Variants in FSD2 observed in about 807,000 individuals in gnomAD.
The protein encoded by FSD2 is fibronectin type III and SPRY domain-containing protein 2.
Under a neutral mutation model 80.4 loss-of-function variants are expected in FSD2, and 71 were observed. The ratio of observed to expected loss-of-function variants is 0.88; its 90% CI spans 0.73 to 1.08. FSD2 has a LOEUF of 1.08. FSD2 is among the 50% of genes least tolerant of loss of function. The probability of loss-of-function intolerance (pLI) is 0.00; values close to 1 mark genes in which losing one functional copy is unlikely to be tolerated. For synonymous variants in FSD2, 361 were observed against 329.5 expected (o/e 1.10, Z -1.03); for missense variants, 923 against 913.8 (o/e 1.01, Z -0.13).
rs1385556414 is a variant in FSD2, at chr15:82,757,850, G to A, written c.*1498C>T. On this transcript the variant is annotated 3_prime_UTR_variant, in exon 13 of 13. Transcript: ENST00000334574. ...GAGTAGGCAGAGTTTAGTAGGAGAT[G>A]AGAGTCTTTCAGTTTGTCAGACTTT... 6.6e-6 allele frequency: 1 copy of A among 152,212 alleles called. No homozygotes were observed. The highest frequency in any genetic ancestry group is 2.4e-5 in the African/African-American group (1 of 41,428). 9.4% of individuals were successfully genotyped at this position (152,212 alleles called of 1,614,324 possible). A position where few individuals can be genotyped will look rare whatever the true frequency, so the allele number is the denominator to read the frequency against.
chr15:82,782,647 T>A, intron 4 of FSD2, 148 bp downstream of exon 4: 2 of 682,936 alleles, frequency 2.9e-6, no homozygotes, highest in Non-Finnish European at 5.1e-6. Context: ...TCCAGTGGAA[T>A]CAAATGGATG....
At chr15:82,783,768 G>A (rs1164846619) in intron 3 of FSD2, among the ~76,000 whole-genome samples, 2 of 152,002 alleles carry the variant, frequency 1.3e-5, no homozygotes, top group African/African-American at 4.8e-5. Flanking sequence ...CCTGGTGCTT[G>A]GATCATACAA....
At chr15:82,779,304 A>G (rs921720659) in intron 5 of FSD2, among the ~76,000 whole-genome samples, 4 of 152,260 alleles carry the variant, frequency 2.6e-5, no homozygotes, top group African/African-American at 9.6e-5. Context: ...GTTGCTGATC[A>G]TGGGACTCGG....
At chr15:82,770,553 C>A (rs1456190551) in intron 7 of FSD2, among the ~76,000 whole-genome samples, 1 of 152,148 alleles carries the variant, frequency 6.6e-6, no homozygotes. Context: ...TGCCTGTAGT[C>A]CCAGCTACTC....
intron 9 of FSD2, among the ~76,000 whole-genome samples, chr15:82,768,542 A>G (rs570937706): frequency 5.9e-5 from 9 of 152,304 alleles, no homozygotes; most frequent in Admixed American, 6.5e-5. Flanking sequence ...TTGTCCATCT[A>G]GTTCCCAGTG....
intron 5 of FSD2, 39 bp from the exon 6 acceptor site, chr15:82,778,926 G>T (rs776994865): frequency 6.2e-7 from 1 of 1,607,554 alleles, no homozygotes; most frequent in Non-Finnish European, 8.5e-7. Flanking sequence ...GAATGGAGGG[G>T]CATTCTCCTT....
chr15:82,766,738 CAAA>C (rs560358115), intron 9 of FSD2, among the ~76,000 whole-genome samples: 5 of 96,146 alleles, frequency 5.2e-5, no homozygotes, highest in Non-Finnish European at 6.6e-5. Flanking sequence ...GAGACTGTCT[CAAA>C]AAAAAAAAAA....
At chr15:82,761,029 C>T (rs2049285626) in intron 12 of FSD2, among the ~76,000 whole-genome samples, 1 of 152,156 alleles carries the variant, frequency 6.6e-6, no homozygotes, top group Non-Finnish European at 1.5e-5. Flanking sequence ...TATAGTAATT[C>T]TTGGATTCCC....
At position 82,795,763 on chromosome 15, in the gene FSD2, C is replaced by T. The variant is rs765931556; in HGVS notation, c.-78-8295G>A. On this transcript the variant is annotated intron_variant, in intron 1 of 12. Coordinates refer to ENST00000334574, the MANE Select transcript of FSD2 (RefSeq NM_001007122.4). Reference sequence around the variant, plus strand: ...AGGAGGGTCTCTTGAGCCCAGAAGACGGAGGTTGTAGTGAGCTGAGATTGC... The same window carrying T: ...AGGAGGGTCTCTTGAGCCCAGAAGATGGAGGTTGTAGTGAGCTGAGATTGC... Among the ~76,000 whole-genome samples the T allele has an allele frequency of 3.4e-4, 52 of 151,488 alleles. 3 individuals carry two copies. Among genetic ancestry groups the T allele is most frequent in the Admixed American group, 7.2e-4 (11 of 15,204 alleles).
At chr15:82,771,997 A>G in intron 7 of FSD2, 76 bp downstream of exon 7, 1 of 1,401,542 alleles carries the variant, frequency 7.1e-7, no homozygotes, top group Non-Finnish European at 9.4e-7. Flanking sequence ...CCCAACTGCC[A>G]GGAAGACAGG....
Position 82,756,091 on chromosome 15 carries a change from C to A in FSD2, c.*3257G>T. On this transcript the variant is annotated 3_prime_UTR_variant, in exon 13 of 13. Transcript: ENST00000334574. The stretch of plus-strand genomic sequence containing the variant: ...ACAGCAATTACACGCTTTCCATTGT[C>A]TTCCTATAGAAAATAGGAGTAGTAC... 1 of 456,634 alleles carries A rather than the reference C, an allele frequency of 2.2e-6. No individual in the cohort carries two copies. The highest frequency in any genetic ancestry group is 4.5e-6 in the Non-Finnish European group (1 of 223,210). The allele number at this position is 456,634 out of a possible 1,614,324, so 28.3% of individuals were successfully genotyped here.
Position 82,786,807 on chromosome 15 carries a change from T to C in FSD2, c.584A>G (p.Asp195Gly). The C allele has an allele frequency of 6.2e-7, 1 of 1,614,044 alleles. No homozygotes were observed. Among genetic ancestry groups the C allele is most frequent in the Non-Finnish European group, 8.5e-7 (1 of 1,179,888 alleles). Residue 195 changes from aspartate to glycine, a missense_variant, in exon 2 of 13, where the codon GAT becomes GGT. Physicochemically the swap from Asp to Gly is moderately conservative, Grantham distance 94. Coordinates refer to ENST00000334574, the MANE Select transcript of FSD2 (RefSeq NM_001007122.4). Reference sequence around the variant, plus strand: ...GATCACTTCATGCTCCTTATGTTCATCAAAAACCTTCTGAAAAGCTCTTAT... The same window carrying C: ...GATCACTTCATGCTCCTTATGTTCACCAAAAACCTTCTGAAAAGCTCTTAT... The part of the protein sequence containing the change: ...TPIRAFQKVF[D>G]EHKEHEVIPL...
chr15:82,797,260 C>T lies in FSD2; in HGVS notation c.-79+8706G>A, dbSNP rs531074596. 8.5e-5 allele frequency among the ~76,000 whole-genome samples: 13 copies of T among 152,142 alleles called. No individual in the cohort carries two copies. In the South Asian group the frequency reaches 1.9e-3, roughly 22 times the overall value. Reference sequence around the variant, plus strand: ...ATAGATCACTATGTACTTTTTGAAACACATTTCAGAAAGAGTTCAAAAATG... The same window carrying T: ...ATAGATCACTATGTACTTTTTGAAATACATTTCAGAAAGAGTTCAAAAATG... On this transcript the variant is annotated intron_variant, in intron 1 of 12. Transcript: ENST00000334574.
chr15:82,787,316 G>A lies in FSD2; in HGVS notation c.75C>T (p.Asp25=), dbSNP rs1293600492. Residue 25 remains aspartate, a synonymous_variant, in exon 2 of 13, where the codon GAC becomes GAT. Transcript: ENST00000334574. The part of the protein sequence containing the change: ...TPKDFHFYHM[D]LYDSEDRLHL... ...GCAGTCTGTCTTCAGAGTCATACAG[G>A]TCCATGTGGTAAAAGTGGAAATCCT... is the stretch of plus-strand genomic sequence containing the variant. The A allele has an allele frequency of 6.2e-7, 1 of 1,613,704 alleles. No individual in the cohort carries two copies. The highest frequency in any genetic ancestry group is 1.3e-5 in the African/African-American group (1 of 74,848).
chr15:82,789,588 T>C (rs1596255888), intron 1 of FSD2, among the ~76,000 whole-genome samples: 1 of 152,138 alleles, frequency 6.6e-6, no homozygotes, highest in African/African-American at 2.4e-5. Flanking sequence ...GAACTGGGAT[T>C]TGAGCCTTAA....
rs530221646 is a variant in FSD2 at position 82,757,940 on chromosome 15, C to G, written c.*1408G>C. ...TTTGTTTGTTTTTGAGACAGAGTTG[C>G]GCTCTTGTTGCCAAGGCTGGAGTGC... is the stretch of plus-strand genomic sequence containing the variant. On this transcript the variant is annotated 3_prime_UTR_variant, in exon 13 of 13. Transcript: ENST00000334574. 6.6e-6 allele frequency: 1 copy of G among 152,240 alleles called. No individual in the cohort carries two copies. The highest frequency in any genetic ancestry group is 2.4e-5 in the African/African-American group (1 of 41,418). The allele number at this position is 152,240 out of a possible 1,614,324, so 9.4% of individuals were successfully genotyped here. A position where few individuals can be genotyped will look rare whatever the true frequency, so the allele number is the denominator to read the frequency against.
At chr15:82,802,744 G>A (rs1362506409) in intron 1 of FSD2, among the ~76,000 whole-genome samples, 1 of 152,106 alleles carries the variant, frequency 6.6e-6, no homozygotes, top group Non-Finnish European at 1.5e-5. Flanking sequence ...TACTCCACCA[G>A]GTCTCCTGGT....
In FSD2 at chr15:82,790,415, T is replaced by G. The variant is rs573089966; in HGVS notation, c.-78-2947A>C. Among the ~76,000 whole-genome samples the G allele has an allele frequency of 4.6e-5, 7 of 152,302 alleles. No individual in the cohort carries two copies. The South Asian group carries it at 1.5e-3, about 32-fold the overall frequency. On this transcript the variant is annotated intron_variant, in intron 1 of 12. Coordinates refer to ENST00000334574, the MANE Select transcript of FSD2 (RefSeq NM_001007122.4). The stretch of plus-strand genomic sequence containing the variant: ...AGCCTTTCCTAGCTGCCTCCCCATT[T>G]TATTGCTCACACAGGTATTTCCTCT...
At position 82,757,495 on chromosome 15, in the gene FSD2, C is replaced by G. The variant is rs1355187167; in HGVS notation, c.*1853G>C. 1 of 147,118 alleles carries G rather than the reference C, an allele frequency of 6.8e-6. No individual in the cohort carries two copies. Among genetic ancestry groups the G allele is most frequent in the Non-Finnish European group, 1.5e-5 (1 of 65,780 alleles). 9.1% of individuals were successfully genotyped at this position (147,118 alleles called of 1,614,324 possible). On this transcript the variant is annotated 3_prime_UTR_variant, in exon 13 of 13. Coordinates refer to ENST00000334574, the MANE Select transcript of FSD2 (RefSeq NM_001007122.4). Reference sequence around the variant, plus strand: ...TACAGGCGCCCGCCACCAGTCCCGGCTAATTTTTTTGTATTTTTAGTAGAG... The same window carrying G: ...TACAGGCGCCCGCCACCAGTCCCGGGTAATTTTTTTGTATTTTTAGTAGAG...
Sources: gnomAD v4.1 joint callset for allele counts (sites outside exome capture counted in the v4.1 genomes callset) on GRCh38, gnomAD v4.1.1 for gene constraint, MANE v1.5 for transcripts, NCBI Gene and HGNC (gene_info 2026-07-23, HGNC 2026-07-21) for gene names.